The following PLD5 variants were observed in gnomAD, a reference collection of about 807,000 sequenced individuals.
The protein encoded by PLD5 is phospholipase D family member 5.
Under a neutral mutation model 61.1 loss-of-function variants are expected in PLD5, and 36 were observed. The observed-to-expected ratio is 0.59, with a 90% CI of 0.45 to 0.78. The LOEUF is 0.78. Among genes scored for constraint, PLD5 ranks in the 30% least tolerant of loss-of-function variants. The pLI is 0.00. For synonymous variants in PLD5, 243 were observed against 242.8 expected (o/e 1.00, Z -0.01); for missense variants, 515 against 644.4 (o/e 0.80, Z 2.17).
At chr1:242,282,994 A>T (rs1674802071) in intron 3 of PLD5, among the ~76,000 whole-genome samples, 1 of 152,232 alleles carries the variant, frequency 6.6e-6, no homozygotes, top group Non-Finnish European at 1.5e-5. Flanking sequence ...GAAGGAAACA[A>T]ACACAAACAG....
chr1:242,416,700 A>G (rs1664851246), intron 1 of PLD5, among the ~76,000 whole-genome samples: 1 of 152,246 alleles, frequency 6.6e-6, no homozygotes, highest in Non-Finnish European at 1.5e-5. Flanking sequence ...AATTAAACTC[A>G]TTAAAAACCA....
intron 6 of PLD5, among the ~76,000 whole-genome samples, chr1:242,118,045 G>A (rs920086177): frequency 6.6e-6 from 1 of 152,108 alleles, no homozygotes; most frequent in Non-Finnish European, 1.5e-5. Context: ...TTTGGTTTTG[G>A]GGAGGAACAA....
At chr1:242,431,076 A>G (rs2580228) in intron 1 of PLD5, among the ~76,000 whole-genome samples, 51,482 of 152,028 alleles carry the variant, frequency 0.34, 9,095 homozygotes, top group Middle Eastern at 0.47. Flanking sequence ...TGAAATACAC[A>G]TAACATAAAA....
chr1:242,138,331 G>A (rs1204764423), intron 5 of PLD5, among the ~76,000 whole-genome samples: 1 of 152,024 alleles, frequency 6.6e-6, no homozygotes, highest in Non-Finnish European at 1.5e-5. Flanking sequence ...AAAAAAACAA[G>A]CATAAAATGA....
intron 3 of PLD5, among the ~76,000 whole-genome samples, chr1:242,281,844 T>C (rs906869578): frequency 6.6e-5 from 10 of 151,796 alleles, no homozygotes; most frequent in Admixed American, 6.6e-4. Context: ...AGTAGATGAG[T>C]GAGAGTAAGA....
intron 5 of PLD5, among the ~76,000 whole-genome samples, chr1:242,207,545 C>T (rs181898734): frequency 1.7e-3 from 259 of 151,982 alleles, no homozygotes; most frequent in African/African-American, 4.8e-3. Flanking sequence ...ACACCCCATG[C>T]TTCTTTCTGA....
chr1:242,130,350 C>T (rs1663140934), intron 5 of PLD5, among the ~76,000 whole-genome samples: 1 of 152,194 alleles, frequency 6.6e-6, no homozygotes, highest in African/African-American at 2.4e-5. Flanking sequence ...CCGCACCAGG[C>T]CTGTTGATGA....
chr1:242,255,420 G>C (rs965364182), intron 4 of PLD5, among the ~76,000 whole-genome samples: 12 of 152,162 alleles, frequency 7.9e-5, no homozygotes. Flanking sequence ...GGAGTAAGCT[G>C]TTCAAAAATC....
At chr1:242,292,045 A>C (rs1675399084) in intron 2 of PLD5, among the ~76,000 whole-genome samples, 1 of 152,102 alleles carries the variant, frequency 6.6e-6, no homozygotes, top group African/African-American at 2.4e-5. Context: ...AGCCAAGGGG[A>C]GAGAGAGTTA....
rs1317742200 is a variant in PLD5, at chr1:242,176,717, G to T, written c.735+43271C>A. 2.6e-5 allele frequency among the ~76,000 whole-genome samples: 4 copies of T among 152,058 alleles called. No homozygotes were observed. In the East Asian group the frequency reaches 5.8e-4, roughly 22 times the overall value. ...AGGGCTAATATCCAGCATCTACAAAGAACTTAAACAAATTTACAAGAAGAA... is the reference window on the plus strand; with the variant it reads ...AGGGCTAATATCCAGCATCTACAAATAACTTAAACAAATTTACAAGAAGAA... On this transcript the variant is annotated intron_variant, in intron 5 of 9. Transcript: ENST00000536534.
chr1:242,204,222 G>A (rs1191264712), intron 5 of PLD5, among the ~76,000 whole-genome samples: 3 of 151,002 alleles, frequency 2.0e-5, no homozygotes, highest in South Asian at 2.1e-4. Context: ...CAGTCTGGGC[G>A]ACAGAGCGAG....
intron 1 of PLD5, among the ~76,000 whole-genome samples, chr1:242,422,266 A>G (rs919266310): frequency 6.6e-6 from 1 of 152,198 alleles, no homozygotes; most frequent in African/African-American, 2.4e-5. Flanking sequence ...AAACTGCCAG[A>G]TTCATGGCAA....
intron 9 of PLD5, among the ~76,000 whole-genome samples, chr1:242,098,946 G>A (rs58294710): frequency 0.036 from 5,419 of 152,118 alleles, 309 homozygotes; most frequent in African/African-American, 0.12. Context: ...GTACCCCACC[G>A]TGTGAGGTGT....
Position 242,083,086 on chromosome 1 carries a change from A to C in PLD5, c.*6768T>G, listed in dbSNP as rs541752093. On this transcript the variant is annotated 3_prime_UTR_variant, in exon 10 of 10. Transcript: ENST00000536534. ...GTCCAGACTCATTGTTCAGGAGTCA[A>C]GTATTTCTCCAGTAAGCTAAGAGCA... 8.5e-5 allele frequency: 13 copies of C among 152,268 alleles called. No individual in the cohort carries two copies. In the East Asian group the frequency reaches 2.5e-3, roughly 29 times the overall value. 9.4% of individuals were successfully genotyped at this position (152,268 alleles called of 1,614,324 possible). A position where few individuals can be genotyped will look rare whatever the true frequency, so the allele number is the denominator to read the frequency against.
chr1:242,218,002 C>G lies in PLD5; in HGVS notation c.735+1986G>C, dbSNP rs117946560. ...GTGGAAGGGATTGAGAGGACTGACT[C>G]CAATTTTGAAAGAAGTTTTATTGTG... On this transcript the variant is annotated intron_variant, in intron 5 of 9. Coordinates refer to ENST00000536534, the MANE Select transcript of PLD5 (RefSeq NM_001372062.1). 1.6e-3 allele frequency among the ~76,000 whole-genome samples: 241 copies of G among 152,286 alleles called. No individual in the cohort carries two copies. The East Asian group carries it at 0.016, about 10-fold the overall frequency.
intron 3 of PLD5, among the ~76,000 whole-genome samples, chr1:242,284,630 T>G (rs1342172264): frequency 6.6e-6 from 1 of 152,176 alleles, no homozygotes; most frequent in East Asian, 1.9e-4. Context: ...CATGCCTGGC[T>G]TTTGGCCAGT....
chr1:242,194,936 C>T (rs1015845562), intron 5 of PLD5, among the ~76,000 whole-genome samples: 6 of 151,832 alleles, frequency 4.0e-5, no homozygotes, highest in Non-Finnish European at 7.4e-5. Flanking sequence ...GTATACTGCT[C>T]GGGAGATGGG....
chr1:242,303,561 T>C (rs572346726), intron 2 of PLD5, among the ~76,000 whole-genome samples: 1 of 152,368 alleles, frequency 6.6e-6, no homozygotes, highest in African/African-American at 2.4e-5. Flanking sequence ...AGGAGGTTGG[T>C]CCATCTGTAG....
At chr1:242,237,519 G>A (rs1456531901) in intron 4 of PLD5, among the ~76,000 whole-genome samples, 2 of 152,222 alleles carry the variant, frequency 1.3e-5, no homozygotes, top group Admixed American at 6.5e-5. Context: ...CAGTGCAGGA[G>A]CAAGGGGGCT....
Sources: gnomAD v4.1 joint callset for allele counts (sites outside exome capture counted in the v4.1 genomes callset) on GRCh38, gnomAD v4.1.1 for gene constraint, MANE v1.5 for transcripts, NCBI Gene and HGNC (gene_info 2026-07-23, HGNC 2026-07-21) for gene names.